Variants in CREB5 observed in about 807,000 individuals in gnomAD.
CREB5 encodes cyclic AMP-responsive element-binding protein 5.
A neutral mutation model predicts 57.1 loss-of-function variants in CREB5; 19 were observed. The observed-to-expected ratio is 0.33, with a 90% CI of 0.23 to 0.49. The LOEUF is 0.49. Ranked by LOEUF, CREB5 falls within the 20% of genes least tolerant of loss-of-function variation. The pLI, the probability that CREB5 is intolerant of heterozygous loss-of-function variation, is 0.99. For missense variants in CREB5, 579 were observed against 671.6 expected (o/e 0.86, Z 1.52); for synonymous variants, 238 against 238.3 (o/e 1.00, Z 0.01).
chr7:28,693,597 AAT>A lies in CREB5; in HGVS notation c.465-25153_465-25152del, dbSNP rs537373199. ...AGGGGAAGCCTAATTACTCGTAATC[AAT>A]ATGGCCAGATGAGATTGGGCCCTGT... On this transcript the variant is annotated intron_variant, in intron 5 of 10. Transcript: ENST00000357727. Among the ~76,000 whole-genome samples, 942 of 152,270 alleles carry A rather than the reference AAT, an allele frequency of 6.2e-3. 9 individuals carry two copies. The highest frequency in any genetic ancestry group is 0.01 in the Admixed American group (154 of 15,302).
chr7:28,622,070 G>C (rs955731472), intron 5 of CREB5, among the ~76,000 whole-genome samples: 3 of 152,154 alleles, frequency 2.0e-5, no homozygotes, highest in Non-Finnish European at 4.4e-5. Flanking sequence ...TTAACACTGT[G>C]ATATGAAGTC....
At position 28,560,941 on chromosome 7, in the gene CREB5, C is replaced by T. The variant is rs62449921; in HGVS notation, c.292-9424C>T. ...GTGTGTGCGCGTGCGTGTGTGCGTG[C>T]GTGTGTGTGCGTGTGTGTGCGTGTG... is the stretch of plus-strand genomic sequence containing the variant. On this transcript the variant is annotated intron_variant, in intron 4 of 10. Transcript: ENST00000357727. Among the ~76,000 whole-genome samples the T allele has an allele frequency of 8.6e-3, 385 of 44,606 alleles. 31 individuals are homozygous for T. The highest frequency in any genetic ancestry group is 0.025 in the African/African-American group (227 of 9,194). 29.3% of individuals were successfully genotyped at this position (44,606 alleles called of 152,430 possible).
chr7:28,767,610 C>T (rs1435197283), intron 7 of CREB5, among the ~76,000 whole-genome samples: 2 of 152,298 alleles, frequency 1.3e-5, no homozygotes, highest in Non-Finnish European at 2.9e-5. Context: ...TAACCTTTAA[C>T]ATGGAGTGGG....
At chr7:28,687,555 A>G (rs1801008269) in intron 5 of CREB5, among the ~76,000 whole-genome samples, 1 of 149,484 alleles carries the variant, frequency 6.7e-6, no homozygotes, top group Non-Finnish European at 1.5e-5. Context: ...ACTAGATAGT[A>G]ATAAACTGAA....
chr7:28,464,332 C>T (rs1790469487), intron 1 of CREB5, among the ~76,000 whole-genome samples: 1 of 152,046 alleles, frequency 6.6e-6, no homozygotes, highest in African/African-American at 2.4e-5. Flanking sequence ...TGTTGATTGC[C>T]TTGATATCAG....
At chr7:28,818,277 T>C in intron 10 of CREB5, 98 bp downstream of exon 10, 1 of 806,458 alleles carries the variant, frequency 1.2e-6, no homozygotes, top group Non-Finnish European at 2.1e-6. Context: ...AAAGTGTAGA[T>C]TGTACTTCCA....
chr7:28,363,854 G>A (rs1786535102), intron 1 of CREB5, among the ~76,000 whole-genome samples: 1 of 152,170 alleles, frequency 6.6e-6, no homozygotes, highest in Admixed American at 6.5e-5. Context: ...CAGAATTTGA[G>A]GGGAGAATTG....
intron 4 of CREB5, among the ~76,000 whole-genome samples, chr7:28,560,851 T>TGCGCGCGTGC (rs1416148801): frequency 1.4e-4 from 10 of 69,196 alleles, no homozygotes; most frequent in South Asian, 1.2e-3. Flanking sequence ...TGTGCGCGTG[T>TGCGCGCGTGC]GTGTGTGCGT....
chr7:28,560,835 T>TGCGTGCGCGTGCGTGCGCGCGTGC, intron 4 of CREB5, among the ~76,000 whole-genome samples: 1 of 59,832 alleles, frequency 1.7e-5, no homozygotes, highest in South Asian at 5.5e-4. Context: ...CGCGCGCGCG[T>TGCGTGCGCGTGCGTGCGCGCGTGC]GTGTGTGTGC....
At chr7:28,477,112 T>C (rs1314240257) in intron 1 of CREB5, among the ~76,000 whole-genome samples, 1 of 152,212 alleles carries the variant, frequency 6.6e-6, no homozygotes, top group Non-Finnish European at 1.5e-5. Flanking sequence ...TTTCTGATTC[T>C]GCCCCTGGTG....
chr7:28,321,817 A>G (rs1785499940), intron 1 of CREB5, among the ~76,000 whole-genome samples: 1 of 152,220 alleles, frequency 6.6e-6, no homozygotes, highest in Admixed American at 6.5e-5. Context: ...CAACATGATC[A>G]CAGAGCGCCG....
intron 1 of CREB5, among the ~76,000 whole-genome samples, chr7:28,423,205 G>A (rs1788348300): frequency 6.6e-6 from 1 of 152,108 alleles, no homozygotes; most frequent in Admixed American, 6.5e-5. Flanking sequence ...AATAAACCAA[G>A]CAACTCCTTT....
At chr7:28,580,558 GGTGTGTGTGTGTGTGT>G (rs371277784) in intron 5 of CREB5, among the ~76,000 whole-genome samples, 3 of 124,912 alleles carry the variant, frequency 2.4e-5, no homozygotes, top group South Asian at 3.1e-4. Context: ...TTGGCAAATT[GGTGTGTGTGTGTGTGT>G]GTGTGTGTGT....
At chr7:28,766,352 C>T (rs1005602097) in intron 7 of CREB5, among the ~76,000 whole-genome samples, 2 of 152,198 alleles carry the variant, frequency 1.3e-5, no homozygotes, top group Non-Finnish European at 2.9e-5. Flanking sequence ...CCCGCCCCAA[C>T]TCCACTAGCC....
rs1786172183 is a variant in CREB5, at chr7:28,350,828, G to A, written c.-25+51387G>A. 1.3e-5 allele frequency among the ~76,000 whole-genome samples: 2 copies of A among 152,114 alleles called. 1 individual carries two copies. The highest frequency in any genetic ancestry group is 4.2e-4 in the South Asian group (2 of 4,818). Reference sequence around the variant, plus strand: ...GAAATGGAGAGAAGTCAGATCACTCGTGATAACTGCGCTGCTAGATTCAGC... The same window carrying A: ...GAAATGGAGAGAAGTCAGATCACTCATGATAACTGCGCTGCTAGATTCAGC... On this transcript the variant is annotated intron_variant, in intron 1 of 9. Transcript: ENST00000396299.
At chr7:28,389,468 A>C (rs1444749835) in intron 1 of CREB5, among the ~76,000 whole-genome samples, 1 of 152,134 alleles carries the variant, frequency 6.6e-6, no homozygotes, top group Non-Finnish European at 1.5e-5. Context: ...CCAAATCTCC[A>C]TGTAAAATGG....
At chr7:28,321,918 A>C (rs1046306370) in intron 1 of CREB5, among the ~76,000 whole-genome samples, 13 of 152,258 alleles carry the variant, frequency 8.5e-5, no homozygotes, top group African/African-American at 3.1e-4. Context: ...ATGTGAAGTT[A>C]GCAATCAACG....
chr7:28,302,062 T>A (rs988096684), intron 1 of CREB5, among the ~76,000 whole-genome samples: 3 of 152,190 alleles, frequency 2.0e-5, no homozygotes, highest in African/African-American at 4.8e-5. Context: ...TCAGAGAATA[T>A]TTGAGTGGCC....
chr7:28,325,328 G>A (rs372536545), intron 1 of CREB5, among the ~76,000 whole-genome samples: 24 of 152,164 alleles, frequency 1.6e-4, no homozygotes, highest in South Asian at 6.2e-4. Context: ...GGTGGCGGGC[G>A]CCTGTGGTCC....
Sources: allele counts gnomAD v4.1 joint callset (sites outside exome capture counted in the v4.1 genomes callset), GRCh38; gene constraint gnomAD v4.1.1; transcripts MANE v1.5; gene names NCBI Gene and HGNC (gene_info 2026-07-23, HGNC 2026-07-21).